Variants in SORCS1 observed in about 807,000 individuals in gnomAD.
SORCS1 encodes sortilin related VPS10 domain containing receptor 1, also known as VPS10 domain-containing receptor SorCS1.
SORCS1 carries 60 observed loss-of-function variants against 146.1 expected under a neutral mutation model. That is an observed-to-expected ratio of 0.41 (90% CI 0.33 to 0.51). The LOEUF (loss-of-function observed/expected upper bound fraction) is 0.51. SORCS1 is among the 20% of genes least tolerant of loss of function. The probability of loss-of-function intolerance (pLI) is 0.21; values close to 1 mark genes in which losing one functional copy is unlikely to be tolerated. For synonymous variants in SORCS1, 637 were observed against 584.0 expected (o/e 1.09, Z -1.31); for missense variants, 1,352 against 1,487.6 (o/e 0.91, Z 1.50).
At chr10:106,957,098 T>G (rs778103357) in intron 1 of SORCS1, among the ~76,000 whole-genome samples, 12 of 152,182 alleles carry the variant, frequency 7.9e-5, no homozygotes, top group Admixed American at 6.5e-5. Context: ...CCCAAAAGAA[T>G]TGCTGTTTGA....
At chr10:106,847,819 C>T (rs1949365560) in intron 2 of SORCS1, among the ~76,000 whole-genome samples, 1 of 134,284 alleles carries the variant, frequency 7.4e-6, no homozygotes, top group African/African-American at 2.6e-5. Context: ...AACATCTTTA[C>T]TTCTGTCTTC....
intron 2 of SORCS1, among the ~76,000 whole-genome samples, chr10:106,890,812 A>ATT (rs10710411): frequency 6.7e-6 from 1 of 149,068 alleles, no homozygotes; most frequent in Non-Finnish European, 1.5e-5. Context: ...ATATACATAC[A>ATT]TTTTTTTTTT....
At chr10:106,621,105 G>A (rs1293359187) in intron 19 of SORCS1, among the ~76,000 whole-genome samples, 1 of 152,176 alleles carries the variant, frequency 6.6e-6, no homozygotes, top group Non-Finnish European at 1.5e-5. Context: ...CTGTGTTTGG[G>A]GTTGAATTAA....
At position 106,706,634 on chromosome 10, in the gene SORCS1, G is replaced by A. The variant is rs372404908; in HGVS notation, c.1144C>T (p.Leu382=). The part of the protein sequence containing the change: ...IVQDHYVFVQ[L]TSGGRPHYYV... ...TAATGTGGCCGCCCTCCTGATGTCA[G>A]CTGGATCATAAAAACAAGACTGTAA... Residue 382 remains leucine, a splice_region_variant and synonymous_variant, in exon 8 of 26, where the codon CTG becomes TTG. Transcript: ENST00000263054. 2.7e-5 allele frequency: 43 copies of A among 1,613,848 alleles called. No individual in the cohort carries two copies. The African/African-American group carries it at 4.7e-4, about 18-fold the overall frequency.
At chr10:107,177,653 T>C in the SORCS1 span, among the ~76,000 whole-genome samples, 1 of 152,348 alleles carries the variant, frequency 6.6e-6, no homozygotes, top group South Asian at 2.1e-4. Context: ...AGATGTGAGA[T>C]TTTGATACAT....
chr10:106,614,988 T>C (rs1847258806), intron 21 of SORCS1, among the ~76,000 whole-genome samples: 1 of 152,148 alleles, frequency 6.6e-6, no homozygotes, highest in South Asian at 2.1e-4. Flanking sequence ...TGGCTTTGAG[T>C]AGACAAACCT....
intron 1 of SORCS1, among the ~76,000 whole-genome samples, chr10:107,059,516 G>A (rs1960972331): frequency 6.6e-6 from 1 of 152,192 alleles, no homozygotes; most frequent in African/African-American, 2.4e-5. Context: ...CAGAAGAGAT[G>A]CACACAATCC....
At chr10:106,870,974 C>T (rs933396899) in intron 2 of SORCS1, among the ~76,000 whole-genome samples, 1 of 152,054 alleles carries the variant, frequency 6.6e-6, no homozygotes, top group African/African-American at 2.4e-5. Context: ...GTCTAATATC[C>T]ATTATCTATA....
At chr10:106,814,594 C>G (rs925149290) in intron 3 of SORCS1, among the ~76,000 whole-genome samples, 3 of 152,130 alleles carry the variant, frequency 2.0e-5, no homozygotes, top group African/African-American at 7.2e-5. Flanking sequence ...TGTAATCATT[C>G]TGAAAATATA....
chr10:106,745,017 A>G (rs1161790474), intron 5 of SORCS1, among the ~76,000 whole-genome samples: 1 of 152,212 alleles, frequency 6.6e-6, no homozygotes, highest in Non-Finnish European at 1.5e-5. Flanking sequence ...CAAAAAGTTT[A>G]TTAGCCAAAA....
upstream of SORCS1, among the ~76,000 whole-genome samples, chr10:107,165,449 T>G (rs1471305583): frequency 6.6e-6 from 1 of 152,154 alleles, no homozygotes; most frequent in African/African-American, 2.4e-5. This position sits in a 1 kb window ranked among gnomAD's most constrained non-coding sequence, Gnocchi z 4.0. Context: ...CGCTTTCCAC[T>G]ACGCGTTTTT....
intron 1 of SORCS1, among the ~76,000 whole-genome samples, chr10:106,965,243 T>C (rs1470498245): frequency 6.6e-6 from 1 of 152,028 alleles, no homozygotes; most frequent in African/African-American, 2.4e-5. Flanking sequence ...ACATGGGTTT[T>C]TGTGGTTTTT....
intron 23 of SORCS1, among the ~76,000 whole-genome samples, chr10:106,601,431 C>T (rs912872309): frequency 6.6e-6 from 1 of 152,156 alleles, no homozygotes; most frequent in African/African-American, 2.4e-5. Context: ...GTGGAATATG[C>T]CTATTATTCA....
chr10:106,739,012 T>C (rs1485317811), intron 5 of SORCS1, among the ~76,000 whole-genome samples: 1 of 152,162 alleles, frequency 6.6e-6, no homozygotes, highest in Non-Finnish European at 1.5e-5. Context: ...AAGGCAAGGT[T>C]AGTGGACTAG....
chr10:106,807,493 G>C (rs1292247935), intron 3 of SORCS1, among the ~76,000 whole-genome samples: 1 of 152,180 alleles, frequency 6.6e-6, no homozygotes, highest in Non-Finnish European at 1.5e-5. Context: ...ATCCATGCAA[G>C]AAAAGTAATT....
intron 1 of SORCS1, among the ~76,000 whole-genome samples, chr10:107,018,454 A>T (rs1191660086): frequency 6.6e-6 from 1 of 151,774 alleles, no homozygotes; most frequent in African/African-American, 2.4e-5. Flanking sequence ...CCAAAGTGCT[A>T]GGATTACAGG....
At chr10:106,915,284 G>C (rs1952361765) in intron 2 of SORCS1, among the ~76,000 whole-genome samples, 1 of 152,006 alleles carries the variant, frequency 6.6e-6, no homozygotes, top group African/African-American at 2.4e-5. Context: ...CCTTTAACTG[G>C]TTCATCCCCA....
At chr10:106,731,058 C>A (rs1246194079) in intron 5 of SORCS1, among the ~76,000 whole-genome samples, 1 of 151,948 alleles carries the variant, frequency 6.6e-6, no homozygotes, top group Non-Finnish European at 1.5e-5. Context: ...GCCTGTAATC[C>A]CAGCACTTTG....
At chr10:106,624,828 C>G (rs1329671372) in intron 19 of SORCS1, among the ~76,000 whole-genome samples, 1 of 152,228 alleles carries the variant, frequency 6.6e-6, no homozygotes, top group African/African-American at 2.4e-5. Flanking sequence ...TATTCATTTA[C>G]TTTTCACGGG....
Sources: allele counts gnomAD v4.1 joint callset (sites outside exome capture counted in the v4.1 genomes callset), GRCh38; gene constraint gnomAD v4.1.1; non-coding constraint Gnocchi (gnomAD v3.1); transcripts MANE v1.5; gene names NCBI Gene and HGNC (gene_info 2026-07-23, HGNC 2026-07-21).